GRIP1: variants seen among roughly 807,000 people sequenced by gnomAD.
The protein encoded by GRIP1 is glutamate receptor interacting protein 1.
A neutral mutation model predicts 129.9 loss-of-function variants in GRIP1; 45 were observed. The ratio of observed to expected loss-of-function variants is 0.35; its 90% CI spans 0.27 to 0.44. GRIP1 has a LOEUF of 0.44. Among genes scored for constraint, GRIP1 ranks in the 20% least tolerant of loss-of-function variants. The pLI is 1.00. For synonymous variants in GRIP1, 530 were observed against 520.8 expected, an observed-to-expected ratio of 1.02 and a Z score of -0.24; for missense variants, 1,196 against 1,396.8, an observed-to-expected ratio of 0.86 and a Z score of 2.29.
intron 1 of GRIP1, among the ~76,000 whole-genome samples, chr12:66,644,200 C>T (rs1041795382): frequency 1.3e-5 from 2 of 152,144 alleles, no homozygotes; most frequent in Non-Finnish European, 2.9e-5. Flanking sequence ...TCCCACAACA[C>T]GTGATAATTA....
At chr12:66,963,605 G>C (rs1035036139) in intron 1 of GRIP1, among the ~76,000 whole-genome samples, 2 of 152,148 alleles carry the variant, frequency 1.3e-5, no homozygotes, top group African/African-American at 4.8e-5. Context: ...AGGAATTCAA[G>C]AGTTTTTTGG....
At chr12:67,036,623 A>C (rs1269976531) in intron 1 of GRIP1, among the ~76,000 whole-genome samples, 1 of 151,884 alleles carries the variant, frequency 6.6e-6, no homozygotes, top group Non-Finnish European at 1.5e-5. Flanking sequence ...GAGCCACCGC[A>C]CCCAGCCAGA....
chr12:66,520,699 G>A (rs2060974949), intron 5 of GRIP1, among the ~76,000 whole-genome samples: 1 of 152,176 alleles, frequency 6.6e-6, no homozygotes, highest in African/African-American at 2.4e-5. Context: ...CAGTTGTCTT[G>A]AGGTGGTTGT....
chr12:67,013,325 C>T (rs956134881), intron 1 of GRIP1, among the ~76,000 whole-genome samples: 11 of 152,246 alleles, frequency 7.2e-5, no homozygotes, highest in African/African-American at 2.6e-4. Flanking sequence ...AATAGGTTAT[C>T]TATCTTTTCT....
chr12:66,868,056 C>G (rs892766668), intron 1 of GRIP1, among the ~76,000 whole-genome samples: 5 of 152,110 alleles, frequency 3.3e-5, no homozygotes, highest in African/African-American at 1.2e-4. Flanking sequence ...ACAGGTATCA[C>G]ATACTTAATC....
At chr12:66,869,362 T>C (rs774692085) in intron 1 of GRIP1, among the ~76,000 whole-genome samples, 7 of 152,074 alleles carry the variant, frequency 4.6e-5, no homozygotes, top group Non-Finnish European at 7.4e-5. Flanking sequence ...GAGGAAGTTG[T>C]GACATACCTT....
At chr12:66,480,299 C>A (rs2059764168) in intron 7 of GRIP1, among the ~76,000 whole-genome samples, 1 of 152,110 alleles carries the variant, frequency 6.6e-6, no homozygotes, top group Admixed American at 6.6e-5. Context: ...CATGAGTGAA[C>A]TCTCATTCAC....
intron 1 of GRIP1, among the ~76,000 whole-genome samples, chr12:66,749,625 A>G (rs1323928131): frequency 6.6e-6 from 1 of 152,144 alleles, no homozygotes; most frequent in African/African-American, 2.4e-5. Flanking sequence ...CAGTTTTGCC[A>G]CTTGGGAATA....
intron 2 of GRIP1, among the ~76,000 whole-genome samples, chr12:66,577,780 T>C (rs1592584039): frequency 6.6e-6 from 1 of 152,178 alleles, no homozygotes; most frequent in East Asian, 1.9e-4. Context: ...CAAGATTGTG[T>C]ACCTACAAAA....
intron 8 of GRIP1, among the ~76,000 whole-genome samples, chr12:66,463,906 T>A (rs2059207934): frequency 6.6e-6 from 1 of 152,098 alleles, no homozygotes; most frequent in Non-Finnish European, 1.5e-5. Context: ...GGGAGAAAAT[T>A]AAAGCATCCT....
chr12:66,589,952 A>G (rs1335200176), intron 2 of GRIP1, among the ~76,000 whole-genome samples: 4 of 152,222 alleles, frequency 2.6e-5, no homozygotes, highest in Non-Finnish European at 5.9e-5. Context: ...AGTCACCTAC[A>G]ACCCTAGGTT....
upstream of GRIP1, among the ~76,000 whole-genome samples, chr12:66,806,788 C>T (rs2039001276): frequency 6.7e-6 from 1 of 149,428 alleles, no homozygotes. Flanking sequence ...AGAAATTGTA[C>T]ATAAGCACCT....
chr12:66,372,206 AT>A (rs2055546398), intron 22 of GRIP1: 4 of 528,464 alleles, frequency 7.6e-6, no homozygotes, highest in South Asian at 4.2e-5. Flanking sequence ...GCAAATTGAA[AT>A]GCTCTAACAT....
intron 1 of GRIP1, among the ~76,000 whole-genome samples, chr12:66,608,961 TTATA>T (rs201645629): frequency 8.1e-4 from 104 of 129,146 alleles, no homozygotes; most frequent in Middle Eastern, 4.1e-3. Flanking sequence ...TATTATTATA[TTATA>T]TATATATTTT....
In GRIP1 at chr12:66,392,341, C is replaced by A. The variant is rs1400988633; in HGVS notation, c.2431G>T (p.Gly811Trp). 6.2e-7 allele frequency: 1 copy of A among 1,612,752 alleles called. No individual in the cohort carries two copies. The highest frequency in any genetic ancestry group is 8.5e-7 in the Non-Finnish European group (1 of 1,178,912). The stretch of plus-strand genomic sequence containing the variant: ...CCATAGCTGGTGTCTATTGCAGACC[C>A]ATCCCATGAATCCACAGCACTGTCC... Reference protein sequence around the residue: ...SVDSAVDSWDGSAIDTSYGTQ... With the variant: ...SVDSAVDSWDWSAIDTSYGTQ... The change falls in exon 19 of 25, where the codon GGG (glycine) becomes TGG (tryptophan). Residue 811 changes from glycine to tryptophan, a missense_variant. This residue lies in a region of GRIP1 where 427 missense variants were observed against 463.3 expected (regional missense o/e 0.92). Transcript: ENST00000359742.
chr12:66,978,291 T>TA (rs1352928126), intron 1 of GRIP1, among the ~76,000 whole-genome samples: 1 of 152,248 alleles, frequency 6.6e-6, no homozygotes, highest in East Asian at 1.9e-4. Context: ...TTTATTATAC[T>TA]AAAAAATAAC....
intron 7 of GRIP1, among the ~76,000 whole-genome samples, chr12:66,493,291 G>A (rs1460601164): frequency 6.6e-6 from 1 of 152,098 alleles, no homozygotes; most frequent in Non-Finnish European, 1.5e-5. Flanking sequence ...AGTTTGGTAA[G>A]GAGATCCTGA....
chr12:66,696,660 C>T (rs2035171420), intron 1 of GRIP1, among the ~76,000 whole-genome samples: 1 of 151,752 alleles, frequency 6.6e-6, no homozygotes, highest in African/African-American at 2.4e-5. Flanking sequence ...AAACAATTAG[C>T]TGGGCATGGT....
intron 1 of GRIP1, among the ~76,000 whole-genome samples, chr12:66,736,346 ATTTTTTT>A (rs547706592): frequency 3.0e-4 from 20 of 66,996 alleles, no homozygotes; most frequent in South Asian, 6.5e-4. Context: ...TGCCTGGCTA[ATTTTTTT>A]TTTTTTTTTT....
Sources: gnomAD v4.1 joint callset for allele counts (sites outside exome capture counted in the v4.1 genomes callset) on GRCh38, gnomAD v4.1.1 for gene constraint, gnomAD v4.1.1 regional missense constraint, MANE v1.5 for transcripts, NCBI Gene and HGNC (gene_info 2026-07-23, HGNC 2026-07-21) for gene names.